The following TMEM17 variants were observed in gnomAD, a reference collection of about 807,000 sequenced individuals.
TMEM17 encodes the protein transmembrane protein 17.
In TMEM17, 15 loss-of-function variants were observed where a neutral mutation model predicts 19.1. The observed-to-expected ratio is 0.78, with a 90% confidence interval of 0.52 to 1.21. The LOEUF is 1.21. Ranked by LOEUF, TMEM17 falls within the 50% of genes most tolerant of loss-of-function variation. The pLI is 0.00. For missense variants in TMEM17, 245 were observed against 242.3 expected (o/e 1.01, Z -0.07); for synonymous variants, 103 against 86.9 (o/e 1.19, Z -1.03).
downstream of TMEM17, among the ~76,000 whole-genome samples, chr2:62,498,690 T>G (rs1369374202): frequency 6.8e-6 from 1 of 146,116 alleles, no homozygotes. Context: ...CACTCCAGCC[T>G]GGGCGACAGA....
chr2:62,460,299 C>T, the TMEM17 span, among the ~76,000 whole-genome samples: 1 of 152,196 alleles, frequency 6.6e-6, no homozygotes, highest in African/African-American at 2.4e-5. Flanking sequence ...TCCCTCCTCC[C>T]TTTGCAGCAG....
At chr2:62,457,619 A>C in the TMEM17 span, among the ~76,000 whole-genome samples, 1 of 135,746 alleles carries the variant, frequency 7.4e-6, no homozygotes, top group Admixed American at 7.4e-5. This position sits in a 1 kb window ranked among gnomAD's most constrained non-coding sequence, Gnocchi z 4.2. Flanking sequence ...CTACCTTCGG[A>C]AGGTGGGGGT....
chr2:62,479,797 G>A, the TMEM17 span, among the ~76,000 whole-genome samples: 2 of 147,896 alleles, frequency 1.4e-5, no homozygotes. Flanking sequence ...TGAGGTAGGA[G>A]TATCGCTTGA....
chr2:62,503,087 C>T (rs6745280), intron 1 of TMEM17, among the ~76,000 whole-genome samples: 131,464 of 152,224 alleles, frequency 0.86, 56,982 homozygotes, highest in Non-Finnish European at 0.89. Flanking sequence ...AGAATATCAA[C>T]ATAAATCCTA....
Position 62,506,015 on chromosome 2 carries a change from G to C in TMEM17, c.100+15C>G. On this transcript the variant is annotated intron_variant, in intron 1 of 3. Coordinates refer to ENST00000335390, the MANE Select transcript of TMEM17 (RefSeq NM_198276.3). ...CGGCAGGCCACACCCCCTGCACCGG[G>C]CCTCGGTCACTCACCCGGACCCTCA... 2 of 1,601,390 alleles carry C rather than the reference G, an allele frequency of 1.2e-6. No individual in the cohort carries two copies. The highest frequency in any genetic ancestry group is 1.7e-6 in the Non-Finnish European group (2 of 1,173,278).
the TMEM17 span, among the ~76,000 whole-genome samples, chr2:62,466,095 G>C: frequency 6.6e-6 from 1 of 152,174 alleles, no homozygotes; most frequent in African/African-American, 2.4e-5. Context: ...ACCCTGCAGA[G>C]CTCCCTTGTC....
the TMEM17 span, among the ~76,000 whole-genome samples, chr2:62,492,607 A>G: frequency 1.3e-5 from 2 of 152,368 alleles, no homozygotes; most frequent in Admixed American, 1.3e-4. Context: ...AGGAGGCAGG[A>G]GCTCTGAGTT....
the TMEM17 span, among the ~76,000 whole-genome samples, chr2:62,459,152 C>G: frequency 2.6e-5 from 4 of 152,250 alleles, no homozygotes; most frequent in African/African-American, 4.8e-5. Context: ...TCAGATATGA[C>G]AGGGAGAATG....
the TMEM17 span, among the ~76,000 whole-genome samples, chr2:62,474,248 G>A: frequency 6.6e-6 from 1 of 152,170 alleles, no homozygotes; most frequent in Non-Finnish European, 1.5e-5. Flanking sequence ...GTTCAGTTTT[G>A]CAGTCCAGTT....
chr2:62,463,758 T>G, the TMEM17 span: 1 of 152,212 alleles, frequency 6.6e-6, no homozygotes, highest in Non-Finnish European at 1.5e-5. Flanking sequence ...TTTCTATTCC[T>G]GTTTTCCCAC....
At chr2:62,479,649 G>A in the TMEM17 span, among the ~76,000 whole-genome samples, 1 of 152,134 alleles carries the variant, frequency 6.6e-6, no homozygotes, top group African/African-American at 2.4e-5. Context: ...AGTTTGGGAG[G>A]CCGAGGCCAG....
At chr2:62,497,933 G>A (rs374813278), downstream of TMEM17, among the ~76,000 whole-genome samples, 1 of 152,100 alleles carries the variant, frequency 6.6e-6, no homozygotes, top group Admixed American at 6.5e-5. Context: ...ATAAAGTTAC[G>A]CTTTTTTACT....
At chr2:62,471,322 T>C in the TMEM17 span, among the ~76,000 whole-genome samples, 1 of 152,158 alleles carries the variant, frequency 6.6e-6, no homozygotes, top group African/African-American at 2.4e-5. Flanking sequence ...TGGGCAATGC[T>C]CTTAACCTCT....
At chr2:62,459,796 A>G in the TMEM17 span, among the ~76,000 whole-genome samples, 1 of 152,212 alleles carries the variant, frequency 6.6e-6, no homozygotes, top group South Asian at 2.1e-4. Flanking sequence ...GGGACTTGCT[A>G]TGTTGCCCAG....
chr2:62,501,801 TA>T (rs1679936684), intron 3 of TMEM17: 1 of 224,430 alleles, frequency 4.5e-6, no homozygotes, highest in East Asian at 9.5e-5. Flanking sequence ...GTAGGCTTTT[TA>T]AGTTGTGGAG....
chr2:62,505,838 C>G (rs1221614738), intron 1 of TMEM17, among the ~76,000 whole-genome samples, 192 bp downstream of exon 1: 1 of 150,930 alleles, frequency 6.6e-6, no homozygotes, highest in South Asian at 2.1e-4. Context: ...CAGGCCCGGC[C>G]GGGGGCGGGA....
the TMEM17 span, among the ~76,000 whole-genome samples, chr2:62,464,920 G>A: frequency 2.6e-5 from 4 of 152,292 alleles, no homozygotes; most frequent in East Asian, 7.7e-4. Context: ...GGCAGGGTCT[G>A]CAAATATCTC....
chr2:62,492,774 T>C, the TMEM17 span, among the ~76,000 whole-genome samples: 1 of 152,170 alleles, frequency 6.6e-6, no homozygotes. Flanking sequence ...TATTCAGAAT[T>C]CCATAGAAGA....
chr2:62,468,713 T>C, the TMEM17 span, among the ~76,000 whole-genome samples: 1 of 152,174 alleles, frequency 6.6e-6, no homozygotes, highest in African/African-American at 2.4e-5. Flanking sequence ...GACAGTCCCA[T>C]ATATGTGCAA....
Sources: gnomAD v4.1 joint callset for allele counts (sites outside exome capture counted in the v4.1 genomes callset) on GRCh38, gnomAD v4.1.1 for gene constraint, Gnocchi (gnomAD v3.1) non-coding constraint, MANE v1.5 for transcripts, NCBI Gene and HGNC (gene_info 2026-07-23, HGNC 2026-07-21) for gene names.